Variants in WNK1 observed in about 807,000 individuals in gnomAD.
WNK1 encodes serine/threonine-protein kinase WNK1.
A neutral mutation model predicts 222.8 loss-of-function variants in WNK1; 38 were observed. The ratio of observed to expected loss-of-function variants is 0.17; its 90% CI spans 0.13 to 0.22. WNK1 has a LOEUF of 0.22. Ranked by LOEUF, WNK1 falls within the 10% of genes least tolerant of loss-of-function variation. The pLI is 1.00. For missense variants in WNK1, 2,348 were observed against 2,918.4 expected (o/e 0.80, Z 4.50); for synonymous variants, 1,090 against 1,092.9 (o/e 1.00, Z 0.05).
At chr12:817,084 G>A (rs1428913512) in intron 2 of WNK1, among the ~76,000 whole-genome samples, 1 of 152,164 alleles carries the variant, frequency 6.6e-6, no homozygotes, top group East Asian at 1.9e-4. Context: ...AGACTGAATT[G>A]AATTGACAGG....
At chr12:788,744 G>C (rs536740068) in intron 1 of WNK1, among the ~76,000 whole-genome samples, 1 of 151,978 alleles carries the variant, frequency 6.6e-6, no homozygotes, top group East Asian at 1.9e-4. Context: ...AAAATTAGCC[G>C]GGCGTGGTGG....
chr12:884,285 G>T lies in WNK1; in HGVS notation c.3844+42G>T, dbSNP rs72650727. On this transcript the variant is annotated intron_variant, in intron 18 of 27. Transcript: ENST00000315939. This position sits in a 1 kb window ranked among gnomAD's most constrained non-coding sequence, Gnocchi z 5.6. Reference sequence around the variant, plus strand: ...GCCACATTGTTATGTAAATTCTACAGTGCCTCTGCTATGTTGAAAGCTTAA... The same window carrying T: ...GCCACATTGTTATGTAAATTCTACATTGCCTCTGCTATGTTGAAAGCTTAA... 18,574 of 1,612,750 alleles carry T rather than the reference G, an allele frequency of 0.012. 129 individuals are homozygous for T. The highest frequency in any genetic ancestry group is 0.013 in the Non-Finnish European group (15,808 of 1,179,148).
intron 26 of WNK1, among the ~76,000 whole-genome samples, chr12:905,784 C>T (rs1383420581): frequency 1.3e-5 from 2 of 152,190 alleles, no homozygotes; most frequent in Admixed American, 6.5e-5. Context: ...TCTCCCCTCG[C>T]GTTTCCTGTA....
At chr12:775,769 CTG>C (rs1435592615) in intron 1 of WNK1, among the ~76,000 whole-genome samples, 3 of 152,094 alleles carry the variant, frequency 2.0e-5, no homozygotes, top group South Asian at 2.1e-4. Context: ...GAACCAGACA[CTG>C]TGTTTTATAT....
At chr12:853,264 A>T (rs1354832722) in intron 4 of WNK1, among the ~76,000 whole-genome samples, 1 of 152,098 alleles carries the variant, frequency 6.6e-6, no homozygotes, top group Non-Finnish European at 1.5e-5. Context: ...ATGCACAGTT[A>T]TTGGTTTTGC....
intron 1 of WNK1, among the ~76,000 whole-genome samples, chr12:763,429 C>CAA (rs761333741): frequency 7.1e-6 from 1 of 139,938 alleles, no homozygotes; most frequent in East Asian, 2.0e-4. Flanking sequence ...ACTAAAAATA[C>CAA]AAAAAAAAAA....
chr12:769,949 C>CA (rs1942267351), intron 1 of WNK1, among the ~76,000 whole-genome samples: 1 of 151,786 alleles, frequency 6.6e-6, no homozygotes, highest in African/African-American at 2.4e-5. Flanking sequence ...CCCCACTTCC[C>CA]AAAACACTGT....
intron 1 of WNK1, among the ~76,000 whole-genome samples, chr12:768,396 A>G (rs1165839410): frequency 6.6e-6 from 1 of 152,138 alleles, no homozygotes. Context: ...TCGGCCTCCC[A>G]AAGTGCTGGG....
chr12:898,562 A>G (rs914388966), intron 25 of WNK1, among the ~76,000 whole-genome samples: 1 of 151,438 alleles, frequency 6.6e-6, no homozygotes, highest in Non-Finnish European at 1.5e-5. Context: ...GTAATGTAGT[A>G]TATATATATA....
chr12:803,363 A>C (rs1380880354), intron 1 of WNK1, among the ~76,000 whole-genome samples: 1 of 152,248 alleles, frequency 6.6e-6, no homozygotes, highest in African/African-American at 2.4e-5. Flanking sequence ...TATATCATTC[A>C]TGAATAAGTA....
intron 1 of WNK1, among the ~76,000 whole-genome samples, chr12:776,075 C>G (rs1319070408): frequency 6.6e-6 from 1 of 152,118 alleles, no homozygotes; most frequent in Non-Finnish European, 1.5e-5. Context: ...ATTCTGTGGC[C>G]CAGACTGGAG....
intron 1 of WNK1, among the ~76,000 whole-genome samples, chr12:812,423 A>G (rs1946990149): frequency 6.6e-6 from 1 of 152,208 alleles, no homozygotes. Flanking sequence ...ACAAAAAGGT[A>G]TCTTGTCACT....
At chr12:771,793 C>T (rs1942537466) in intron 1 of WNK1, among the ~76,000 whole-genome samples, 1 of 152,134 alleles carries the variant, frequency 6.6e-6, no homozygotes, top group African/African-American at 2.4e-5. Flanking sequence ...CCATTCTCTT[C>T]AGACTGTTAA....
rs1000556053 is a variant in WNK1 at position 765,373 on chromosome 12, C to A, written c.759+11049C>A. On this transcript the variant is annotated intron_variant, in intron 1 of 27. Coordinates refer to ENST00000315939, the MANE Select transcript of WNK1 (RefSeq NM_018979.4). The stretch of plus-strand genomic sequence containing the variant: ...GACCAGCCTGGGCAACATAGCAAGA[C>A]CCTGTCTACAAAAAATTAAAAAATT... 4.1e-5 allele frequency among the ~76,000 whole-genome samples: 6 copies of A among 146,198 alleles called. 1 individual carries two copies. Among genetic ancestry groups the A allele is most frequent in the Non-Finnish European group, 7.6e-5 (5 of 65,652 alleles).
intron 4 of WNK1, among the ~76,000 whole-genome samples, chr12:842,330 G>T (rs1949689502): frequency 6.6e-6 from 1 of 152,088 alleles, no homozygotes; most frequent in Non-Finnish European, 1.5e-5. Context: ...AATAGAATAG[G>T]AAAAACTATT....
intron 26 of WNK1, chr12:900,997 G>A (rs1056664035): frequency 4.0e-5 from 16 of 399,852 alleles, no homozygotes; most frequent in African/African-American, 3.1e-4. Flanking sequence ...AGGTGTTTTA[G>A]CAGTTTCTGA....
chr12:758,367 A>G (rs1338731828), intron 1 of WNK1, among the ~76,000 whole-genome samples: 3 of 109,512 alleles, frequency 2.7e-5, no homozygotes, highest in African/African-American at 9.2e-5. Flanking sequence ...TTTCTTTGCT[A>G]TAGTTCTTTT....
chr12:853,989 G>A (rs576885904), intron 4 of WNK1, among the ~76,000 whole-genome samples: 81 of 152,184 alleles, frequency 5.3e-4, no homozygotes, highest in Non-Finnish European at 8.7e-4. Context: ...GGGCTCAAAC[G>A]ATCCTCCTGC....
intron 1 of WNK1, among the ~76,000 whole-genome samples, chr12:769,161 A>G (rs1942145306): frequency 6.6e-6 from 1 of 152,128 alleles, no homozygotes; most frequent in African/African-American, 2.4e-5. Context: ...AAATACTTTC[A>G]AACATAACAG....
Sources: gnomAD v4.1 joint callset for allele counts (sites outside exome capture counted in the v4.1 genomes callset) on GRCh38, gnomAD v4.1.1 for gene constraint, Gnocchi (gnomAD v3.1) non-coding constraint, MANE v1.5 for transcripts, NCBI Gene and HGNC (gene_info 2026-07-23, HGNC 2026-07-21) for gene names.